The following CSMD1 variants were observed in gnomAD, a reference collection of about 807,000 sequenced individuals.
CSMD1 encodes CUB and sushi domain-containing protein 1.
A neutral mutation model predicts 417.5 loss-of-function variants in CSMD1; 213 were observed. That is an observed-to-expected ratio of 0.51 (90% confidence interval 0.46 to 0.57). The LOEUF (loss-of-function observed/expected upper bound fraction) is 0.57. Among genes scored for constraint, CSMD1 ranks in the 20% least tolerant of loss-of-function variants. CSMD1 has a pLI of 0.00. For synonymous variants in CSMD1, 2,862 were observed against 1,736.8 expected, an observed-to-expected ratio of 1.65 and a Z score of -16.11; for missense variants, 6,923 against 4,529.7, an observed-to-expected ratio of 1.53 and a Z score of -15.17.
chr8:3,028,463 G>C (rs1158344922), intron 51 of CSMD1, among the ~76,000 whole-genome samples: 1 of 152,128 alleles, frequency 6.6e-6, no homozygotes, highest in African/African-American at 2.4e-5. Flanking sequence ...TGGAAAACAG[G>C]CTTCAGGCAG....
At chr8:3,856,568 G>A (rs1804327958) in intron 5 of CSMD1, among the ~76,000 whole-genome samples, 1 of 152,164 alleles carries the variant, frequency 6.6e-6, no homozygotes, top group Non-Finnish European at 1.5e-5. Flanking sequence ...ACTGGGGCCT[G>A]AGTATGGCAG....
intron 1 of CSMD1, among the ~76,000 whole-genome samples, chr8:4,890,698 G>C (rs1468857835): frequency 6.6e-6 from 1 of 152,122 alleles, no homozygotes; most frequent in African/African-American, 2.4e-5. Flanking sequence ...CTTTGGTTTT[G>C]TTCTGCATGT....
intron 54 of CSMD1, among the ~76,000 whole-genome samples, chr8:2,984,628 T>A (rs1271940367): frequency 6.6e-6 from 1 of 152,218 alleles, no homozygotes; most frequent in Admixed American, 6.5e-5. Context: ...ATTACAGGCA[T>A]GAGCCACCGC....
At chr8:4,213,940 G>C (rs557254124) in intron 3 of CSMD1, among the ~76,000 whole-genome samples, 4 of 152,192 alleles carry the variant, frequency 2.6e-5, no homozygotes, top group East Asian at 1.9e-4. Context: ...ACTAGCATAC[G>C]ACTATGTAAC....
rs775960660 is a variant in CSMD1, at chr8:3,264,239, T to G, written c.4153+19905A>C. On this transcript the variant is annotated intron_variant, in intron 26 of 69. Coordinates refer to ENST00000635120, the MANE Select transcript of CSMD1 (RefSeq NM_033225.6). ...TTTCTTAGGAAACATTCTCTGCGAA[T>G]TCACCAGTTCTTTATTAACAATAAG... Among the ~76,000 whole-genome samples, 3 of 152,202 alleles carry G rather than the reference T, an allele frequency of 2.0e-5. No homozygotes were observed. In the South Asian group the frequency reaches 6.2e-4, roughly 32 times the overall value.
intron 7 of CSMD1, among the ~76,000 whole-genome samples, chr8:3,696,514 A>C (rs1189348590): frequency 1.3e-5 from 2 of 152,252 alleles, no homozygotes; most frequent in Non-Finnish European, 2.9e-5. Context: ...GAAATGCTAA[A>C]GCAAATCAAT....
At chr8:3,644,664 A>C (rs369623567) in intron 7 of CSMD1, among the ~76,000 whole-genome samples, 1 of 152,156 alleles carries the variant, frequency 6.6e-6, no homozygotes, top group Non-Finnish European at 1.5e-5. Context: ...CAGCAGGTTC[A>C]AGTGGCTGAA....
chr8:3,503,581 G>A (rs939419349), intron 10 of CSMD1, among the ~76,000 whole-genome samples: 3 of 152,164 alleles, frequency 2.0e-5, no homozygotes, highest in South Asian at 2.1e-4. Context: ...CGCCCTCAGG[G>A]CCCTGCCAAG....
chr8:3,208,509 C>A (rs977755775), intron 30 of CSMD1, among the ~76,000 whole-genome samples: 2 of 152,202 alleles, frequency 1.3e-5, no homozygotes, highest in African/African-American at 4.8e-5. Flanking sequence ...TCGTGATCCA[C>A]CTACCTCGGC....
intron 9 of CSMD1, among the ~76,000 whole-genome samples, chr8:3,582,808 C>G (rs1341566497): frequency 6.6e-6 from 1 of 152,140 alleles, no homozygotes; most frequent in Non-Finnish European, 1.5e-5. Context: ...ATTAAATTCA[C>G]CTGTTTCTCT....
intron 48 of CSMD1, among the ~76,000 whole-genome samples, chr8:3,088,634 T>C (rs1472714042): frequency 6.6e-6 from 1 of 152,130 alleles, no homozygotes; most frequent in Non-Finnish European, 1.5e-5. Flanking sequence ...CCATTTCCTT[T>C]TTTTTAATGG....
intron 1 of CSMD1, among the ~76,000 whole-genome samples, chr8:4,834,071 A>C (rs11782229): frequency 2.0e-5 from 3 of 152,182 alleles, no homozygotes; most frequent in Non-Finnish European, 4.4e-5. Context: ...TAATTTTACT[A>C]TTGGACTCCT....
intron 5 of CSMD1, among the ~76,000 whole-genome samples, chr8:3,839,654 GAAAAAAAAA>G (rs112068635): frequency 8.3e-6 from 1 of 120,908 alleles, no homozygotes; most frequent in Non-Finnish European, 1.7e-5. Context: ...CTTCAACTCA[GAAAAAAAAA>G]AAAAAGAATC....
At position 3,307,778 on chromosome 8, in the gene CSMD1, T is replaced by C. The variant is rs376950927; in HGVS notation, c.3867A>G (p.Ile1289Met). The C allele has an allele frequency of 1.7e-5, 27 of 1,613,518 alleles. No homozygotes were observed. Among genetic ancestry groups the C allele is most frequent in the Non-Finnish European group, 2.0e-5 (24 of 1,179,672 alleles). The change falls in exon 25 of 70, where the codon ATA becomes ATG. Residue 1289 changes from isoleucine (I) to methionine (M), a missense_variant. Coordinates refer to ENST00000635120, the MANE Select transcript of CSMD1 (RefSeq NM_033225.6). ...ACGGAGCTGGATAGCCAGGGGACAA[T>C]ATTCGTCCTGATGTGGCTGCATGGA... Reference protein sequence around the residue: ...GQIHAATSGRILSPGYPAPYD... With the variant: ...GQIHAATSGRMLSPGYPAPYD...
At chr8:3,106,710 T>C in intron 45 of CSMD1, 69 bp from the exon 46 acceptor site, 1 of 770,128 alleles carries the variant, frequency 1.3e-6, no homozygotes, top group Non-Finnish European at 2.2e-6. Context: ...GTGTGACACA[T>C]GTAGGACTAC....
At chr8:4,555,367 A>G (rs1488852795) in intron 2 of CSMD1, among the ~76,000 whole-genome samples, 1 of 152,080 alleles carries the variant, frequency 6.6e-6, no homozygotes, top group Non-Finnish European at 1.5e-5. Flanking sequence ...CATGGGAGGG[A>G]CGGGGAATGT....
chr8:4,317,052 AC>A (rs1798976492), intron 3 of CSMD1, among the ~76,000 whole-genome samples: 1 of 152,192 alleles, frequency 6.6e-6, no homozygotes, highest in African/African-American at 2.4e-5. Flanking sequence ...CTGAAAACAT[AC>A]AAGCCCTGTG....
chr8:4,523,328 G>A (rs764865994), intron 2 of CSMD1, among the ~76,000 whole-genome samples: 3 of 152,114 alleles, frequency 2.0e-5, no homozygotes, highest in Non-Finnish European at 4.4e-5. Flanking sequence ...ATACATAATA[G>A]ACTCAGCCTG....
Position 3,160,232 on chromosome 8 carries a change from C to G in CSMD1, c.5844+1927G>C, listed in dbSNP as rs547377397. ...TCCGCCTCCTGTTTCAAGCGATCCA[C>G]CCACCTCAGCCTCCCAGGTAACTGG... On this transcript the variant is annotated intron_variant, in intron 38 of 69. Coordinates refer to ENST00000635120, the MANE Select transcript of CSMD1 (RefSeq NM_033225.6). 9.9e-5 allele frequency among the ~76,000 whole-genome samples: 15 copies of G among 152,270 alleles called. No homozygotes were observed. In the South Asian group the frequency reaches 2.7e-3, roughly 27 times the overall value.
Sources: allele counts gnomAD v4.1 joint callset (sites outside exome capture counted in the v4.1 genomes callset), GRCh38; gene constraint gnomAD v4.1.1; transcripts MANE v1.5; gene names NCBI Gene and HGNC (gene_info 2026-07-23, HGNC 2026-07-21).